The following NUFIP1 variants were observed in gnomAD, a reference collection of about 807,000 sequenced individuals.
NUFIP1 encodes the protein nuclear FMR1 interacting protein 1.
NUFIP1 carries 38 observed loss-of-function variants against 56.2 expected under a neutral mutation model. That is an observed-to-expected ratio of 0.68 (90% CI 0.52 to 0.89). NUFIP1 has a LOEUF of 0.89. Ranked by LOEUF, NUFIP1 falls within the 40% of genes least tolerant of loss-of-function variation. The pLI is 0.00. For synonymous variants in NUFIP1, 215 were observed against 212.4 expected (o/e 1.01, Z -0.10); for missense variants, 567 against 605.8 (o/e 0.94, Z 0.67).
At chr13:44,964,480 T>G (rs755670787) in intron 6 of NUFIP1, among the ~76,000 whole-genome samples, 5 of 152,188 alleles carry the variant, frequency 3.3e-5, no homozygotes, top group Admixed American at 6.5e-5. Flanking sequence ...CTTACAGCCT[T>G]AAAGAGTTTC....
chr13:44,966,471 C>T (rs936077537), intron 5 of NUFIP1, among the ~76,000 whole-genome samples: 1 of 151,926 alleles, frequency 6.6e-6, no homozygotes, highest in Non-Finnish European at 1.5e-5. Context: ...CCTGCCATCA[C>T]GCCCAGCTAA....
intron 5 of NUFIP1, among the ~76,000 whole-genome samples, chr13:44,967,121 A>C (rs540611057): frequency 6.6e-6 from 1 of 152,262 alleles, no homozygotes; most frequent in East Asian, 1.9e-4. Flanking sequence ...GAATGGAAAG[A>C]CTATATCTAA....
At chr13:44,953,333 C>T (rs1351998365) in intron 7 of NUFIP1, among the ~76,000 whole-genome samples, 1 of 151,938 alleles carries the variant, frequency 6.6e-6, no homozygotes, top group Non-Finnish European at 1.5e-5. Flanking sequence ...TTCATTTTAA[C>T]GTTTCACCAC....
Position 44,979,929 on chromosome 13 carries a change from A to G in NUFIP1, c.618T>C (p.Phe206=). ...ACTGGACAATCTTCTCGTGTGCAGT[A>G]AAAGAGCAATCTAATTCAGGGCACT... is the stretch of plus-strand genomic sequence containing the variant. ...HTKCPELDCS[F]TAHEKIVQFH... is the part of the protein sequence containing the mutation. The change falls in exon 4 of 10, where the codon TTT becomes TTC. Residue 206 remains phenylalanine, a synonymous_variant. Transcript: ENST00000379161. 1 of 1,603,654 alleles carries G rather than the reference A, an allele frequency of 6.2e-7. No individual in the cohort carries two copies. The highest frequency in any genetic ancestry group is 2.2e-5 in the East Asian group (1 of 44,746).
At position 44,989,447 on chromosome 13, in the gene NUFIP1, G is replaced by A. The variant is rs761354386; in HGVS notation, c.-11C>T. 3 of 1,611,754 alleles carry A rather than the reference G, an allele frequency of 1.9e-6. No homozygotes were observed. Among genetic ancestry groups the A allele is most frequent in the East Asian group, 2.2e-5 (1 of 44,828 alleles). On this transcript the variant is annotated 5_prime_UTR_variant, in exon 1 of 10. Transcript: ENST00000379161. ...AGTCGGCTCAGCCATACCACTGGCG[G>A]GTCCGGAGTCTAGCACGCGACTGTG...
At chr13:44,959,977 G>A (rs549560417) in intron 6 of NUFIP1, among the ~76,000 whole-genome samples, 31 of 151,270 alleles carry the variant, frequency 2.0e-4, no homozygotes, top group Non-Finnish European at 3.7e-4. Flanking sequence ...TGTCACCCAG[G>A]CTGGAGTGCA....
At chr13:44,967,437 G>C (rs914746998) in intron 5 of NUFIP1, among the ~76,000 whole-genome samples, 33 of 152,104 alleles carry the variant, frequency 2.2e-4, no homozygotes, top group Middle Eastern at 3.5e-3. Flanking sequence ...GAACCCAGGA[G>C]GTGGAGGTTG....
intron 5 of NUFIP1, among the ~76,000 whole-genome samples, chr13:44,972,837 C>A (rs1236345980): frequency 6.6e-6 from 1 of 152,160 alleles, no homozygotes; most frequent in Non-Finnish European, 1.5e-5. Flanking sequence ...ACAGTGAGAA[C>A]CTTAAAGGCA....
chr13:44,958,044 A>G (rs568388422), intron 7 of NUFIP1, among the ~76,000 whole-genome samples: 2 of 152,360 alleles, frequency 1.3e-5, no homozygotes, highest in South Asian at 4.1e-4. Context: ...GCCCAAGAGT[A>G]CACTCAGCAC....
At chr13:44,973,586 T>C (rs1008700009) in intron 5 of NUFIP1, among the ~76,000 whole-genome samples, 4 of 152,190 alleles carry the variant, frequency 2.6e-5, no homozygotes, top group Non-Finnish European at 5.9e-5. Context: ...GTTCTTACAT[T>C]TCAGAGCTCA....
chr13:44,945,337 A>T (rs1870871614), intron 8 of NUFIP1, among the ~76,000 whole-genome samples: 1 of 152,012 alleles, frequency 6.6e-6, no homozygotes, highest in East Asian at 1.9e-4. Context: ...ATAGTCCTGG[A>T]CCTATTAATG....
In NUFIP1 at chr13:44,965,948, T is replaced by G. The variant is rs1481670563; in HGVS notation, c.735-12A>C. 1 of 1,459,158 alleles carries G rather than the reference T, an allele frequency of 6.9e-7. No homozygotes were observed. The highest frequency in any genetic ancestry group is 9.3e-7 in the Non-Finnish European group (1 of 1,073,418). 90.4% of individuals were successfully genotyped at this position (1,459,158 alleles called of 1,614,324 possible). ...GAGTTGGATAGTTTCTAGAAAATAA[T>G]AAAAGTTAATTATAATAGGGCTTTT... On this transcript the variant is annotated splice_polypyrimidine_tract_variant and intron_variant, in intron 5 of 9. Transcript: ENST00000379161.
chr13:44,987,239 A>T (rs188130420), intron 1 of NUFIP1, among the ~76,000 whole-genome samples: 7 of 152,126 alleles, frequency 4.6e-5, no homozygotes, highest in African/African-American at 1.7e-4. Flanking sequence ...TTAGCCAGGC[A>T]TGGTGGCGGG....
At chr13:44,966,697 T>A (rs940588718) in intron 5 of NUFIP1, among the ~76,000 whole-genome samples, 19 of 152,020 alleles carry the variant, frequency 1.2e-4, no homozygotes, top group African/African-American at 4.6e-4. Flanking sequence ...TCAAAAAATA[T>A]ACACGGTGGC....
At chr13:44,963,432 G>A (rs577333990) in intron 6 of NUFIP1, among the ~76,000 whole-genome samples, 2 of 152,262 alleles carry the variant, frequency 1.3e-5, no homozygotes, top group African/African-American at 4.8e-5. Context: ...TGGTAACACT[G>A]GACATCCTTA....
chr13:44,958,683 C>T (rs1172580848), intron 7 of NUFIP1, among the ~76,000 whole-genome samples: 2 of 152,074 alleles, frequency 1.3e-5, no homozygotes, highest in Non-Finnish European at 2.9e-5. Flanking sequence ...TATTCCTTTG[C>T]AGTACAAAGC....
chr13:44,989,207 G>A lies in NUFIP1; in HGVS notation c.230C>T (p.Ala77Val), dbSNP rs767848275. ...AATCTGGGCGTCGAAGGGGGGCGGAGCCCCGGGGAGAGACTGGGCCTCCAT... is the reference window on the plus strand; with the variant it reads ...AATCTGGGCGTCGAAGGGGGGCGGAACCCCGGGGAGAGACTGGGCCTCCAT... Reference protein sequence around the residue: ...PPMEAQSLPGAPPPFDAQILP... With the variant: ...PPMEAQSLPGVPPPFDAQILP... The change falls in exon 1 of 10, where the codon GCT (alanine) becomes GTT (valine). Residue 77 changes from alanine (A) to valine (V), a missense_variant. Physicochemically the swap from Ala to Val is moderately conservative, Grantham distance 64. Transcript: ENST00000379161. The A allele has an allele frequency of 1.9e-6, 3 of 1,609,982 alleles. No individual in the cohort carries two copies. The highest frequency in any genetic ancestry group is 3.4e-5 in the Admixed American group (2 of 59,322).
chr13:44,976,635 T>C (rs1223438329), intron 5 of NUFIP1, among the ~76,000 whole-genome samples: 2 of 152,198 alleles, frequency 1.3e-5, no homozygotes, highest in Admixed American at 1.3e-4. Flanking sequence ...GCCAAGGAAC[T>C]TCAGATACCG....
chr13:44,947,363 T>C lies in NUFIP1; in HGVS notation c.1138+2359A>G, dbSNP rs1038534544. On this transcript the variant is annotated intron_variant, in intron 8 of 9. Coordinates refer to ENST00000379161, the MANE Select transcript of NUFIP1 (RefSeq NM_012345.3). ...AAGCAATTCTCCTGTCTCAGCCTCC[T>C]GTGTAGCTGGGATTACAGGCGCACA... Among the ~76,000 whole-genome samples the C allele has an allele frequency of 3.3e-5, 5 of 151,268 alleles. No homozygotes were observed. In the South Asian group the frequency reaches 1.1e-3, roughly 32 times the overall value.
Sources: allele counts gnomAD v4.1 joint callset (sites outside exome capture counted in the v4.1 genomes callset), GRCh38; gene constraint gnomAD v4.1.1; transcripts MANE v1.5; gene names NCBI Gene and HGNC (gene_info 2026-07-23, HGNC 2026-07-21).